Variants in PEBP4 observed in about 807,000 individuals in gnomAD.
PEBP4 encodes the protein phosphatidylethanolamine-binding protein 4.
Under a neutral mutation model 23.9 loss-of-function variants are expected in PEBP4, and 22 were observed. The observed-to-expected ratio is 0.92, with a 90% CI of 0.66 to 1.31. The LOEUF (loss-of-function observed/expected upper bound fraction) is 1.31. PEBP4 is among the 40% of genes most tolerant of loss of function. PEBP4 has a pLI of 0.00. For synonymous variants in PEBP4, 112 were observed against 99.3 expected, an observed-to-expected ratio of 1.13 and a Z score of -0.76; for missense variants, 324 against 281.7, an observed-to-expected ratio of 1.15 and a Z score of -1.07.
chr8:22,921,997 C>A (rs1373311536), intron 2 of PEBP4, among the ~76,000 whole-genome samples: 1 of 152,212 alleles, frequency 6.6e-6, no homozygotes, highest in East Asian at 1.9e-4. Context: ...CCCCTCTCCC[C>A]TTTTTATCAG....
chr8:22,817,514 G>C, intron 4 of PEBP4, 123 bp downstream of exon 4: 1 of 867,368 alleles, frequency 1.2e-6, no homozygotes, highest in South Asian at 1.5e-5. Context: ...CTGAGCACTG[G>C]GGGAGATGGG....
intron 4 of PEBP4, among the ~76,000 whole-genome samples, chr8:22,746,134 T>TC (rs1554480942): frequency 5.9e-5 from 9 of 151,458 alleles, no homozygotes; most frequent in Non-Finnish European, 8.8e-5. Context: ...CCTTTTTTTT[T>TC]CCCCTGCAAG....
chr8:22,723,633 G>T (rs768131853), intron 6 of PEBP4, among the ~76,000 whole-genome samples: 5 of 152,244 alleles, frequency 3.3e-5, no homozygotes, highest in Non-Finnish European at 7.3e-5. Flanking sequence ...GTCTGGGCAA[G>T]ATACATAATT....
intron 4 of PEBP4, among the ~76,000 whole-genome samples, chr8:22,795,204 C>G (rs1806225183): frequency 9.7e-6 from 1 of 102,884 alleles, no homozygotes; most frequent in Non-Finnish European, 1.8e-5. Context: ...GAGATGGAGT[C>G]TCGCTCTGTC....
intron 4 of PEBP4, among the ~76,000 whole-genome samples, chr8:22,756,703 TC>T (rs1446552217): frequency 6.6e-6 from 1 of 152,238 alleles, no homozygotes; most frequent in Non-Finnish European, 1.5e-5. Context: ...TTGAGGCCCT[TC>T]TTTTGCTCCT....
intron 3 of PEBP4, among the ~76,000 whole-genome samples, chr8:22,826,310 C>T (rs1163261885): frequency 6.6e-6 from 1 of 152,198 alleles, no homozygotes; most frequent in Non-Finnish European, 1.5e-5. Context: ...GCCGGCAAGG[C>T]TGCGGGGAAA....
intron 3 of PEBP4, among the ~76,000 whole-genome samples, chr8:22,852,008 A>C (rs1807561964): frequency 6.6e-6 from 1 of 151,980 alleles, no homozygotes; most frequent in Non-Finnish European, 1.5e-5. Context: ...ATCCCTGGGG[A>C]CTGCAGTTGG....
At chr8:22,773,308 T>C (rs1805752077) in intron 4 of PEBP4, among the ~76,000 whole-genome samples, 1 of 152,184 alleles carries the variant, frequency 6.6e-6, no homozygotes, top group South Asian at 2.1e-4. Context: ...TTACTCTGAT[T>C]ACAGCATATT....
chr8:22,803,019 A>G (rs1307230247), intron 4 of PEBP4, among the ~76,000 whole-genome samples: 2 of 152,160 alleles, frequency 1.3e-5, no homozygotes, highest in South Asian at 2.1e-4. Context: ...TCTTTCTGGA[A>G]TATCACTCAG....
rs188823558 is a variant in PEBP4 at position 22,743,748 on chromosome 8, G to C, written c.358-16528C>G. The stretch of plus-strand genomic sequence containing the variant: ...ACTTGTCACACATGGAGGCCAGAAA[G>C]AGCATTCAGCACCTGCCGGCAGCAC... On this transcript the variant is annotated intron_variant, in intron 4 of 6. Coordinates refer to ENST00000256404, the MANE Select transcript of PEBP4 (RefSeq NM_144962.3). Among the ~76,000 whole-genome samples the C allele has an allele frequency of 7.8e-3, 1,186 of 152,336 alleles. 13 individuals carry two copies. Among genetic ancestry groups the C allele is most frequent in the African/African-American group, 0.026 (1,062 of 41,574 alleles).
chr8:22,934,525 G>A lies in PEBP4; in HGVS notation c.145-6805C>T, dbSNP rs780268376. Reference sequence around the variant, plus strand: ...AAATGTAAAGAAAGGTAGAAATGGAGGAAATGAGGAACACAAAAAGCTGAA... The same window carrying A: ...AAATGTAAAGAAAGGTAGAAATGGAAGAAATGAGGAACACAAAAAGCTGAA... On this transcript the variant is annotated intron_variant, in intron 1 of 1. Coordinates refer to the PEBP4 transcript ENST00000522278. Among the ~76,000 whole-genome samples, 32 of 152,236 alleles carry A rather than the reference G, an allele frequency of 2.1e-4. 1 individual carries two copies. The highest frequency in any genetic ancestry group is 1.7e-3 in the South Asian group (8 of 4,820).
intron 4 of PEBP4, among the ~76,000 whole-genome samples, chr8:22,796,378 A>G (rs1167123728): frequency 6.6e-6 from 1 of 152,166 alleles, no homozygotes; most frequent in African/African-American, 2.4e-5. Flanking sequence ...AGCCCCATAC[A>G]GTGCCCAGCA....
At chr8:22,825,870 C>T (rs915184711) in intron 3 of PEBP4, among the ~76,000 whole-genome samples, 5 of 152,204 alleles carry the variant, frequency 3.3e-5, no homozygotes, top group Non-Finnish European at 4.4e-5. Context: ...AAAGGAAATA[C>T]TGTAGTTGGT....
At chr8:22,892,770 C>T (rs1808518970) in intron 3 of PEBP4, among the ~76,000 whole-genome samples, 1 of 152,126 alleles carries the variant, frequency 6.6e-6, no homozygotes, top group South Asian at 2.1e-4. Flanking sequence ...ACAATGGTTT[C>T]CAGATTTTGA....
At chr8:22,893,989 A>G (rs1808546281) in intron 3 of PEBP4, among the ~76,000 whole-genome samples, 2 of 152,218 alleles carry the variant, frequency 1.3e-5, no homozygotes, top group African/African-American at 2.4e-5. Flanking sequence ...GACACATGAG[A>G]AAACTACACC....
chr8:22,717,752 C>T (rs1054885572), intron 6 of PEBP4, among the ~76,000 whole-genome samples: 2 of 152,190 alleles, frequency 1.3e-5, no homozygotes, highest in South Asian at 2.1e-4. Flanking sequence ...CTCGCTGCCT[C>T]TCCTCTTAGG....
At chr8:22,746,337 G>T (rs1034468984) in intron 4 of PEBP4, among the ~76,000 whole-genome samples, 1 of 152,154 alleles carries the variant, frequency 6.6e-6, no homozygotes, top group African/African-American at 2.4e-5. Flanking sequence ...GGCACTTTGG[G>T]TCTGGAAAGC....
At chr8:22,744,712 G>A (rs1201189987) in intron 4 of PEBP4, 1 of 152,318 alleles carries the variant, frequency 6.6e-6, no homozygotes, top group Non-Finnish European at 1.5e-5. Context: ...TACATCCTTG[G>A]ATGGGGAGAG....
At chr8:22,921,023 G>T (rs1251464170) in intron 2 of PEBP4, among the ~76,000 whole-genome samples, 1 of 152,232 alleles carries the variant, frequency 6.6e-6, no homozygotes, top group Non-Finnish European at 1.5e-5. Context: ...TGGCTTCCTG[G>T]AAGGGAAGAA....
Sources: gnomAD v4.1 joint callset for allele counts (sites outside exome capture counted in the v4.1 genomes callset) on GRCh38, gnomAD v4.1.1 for gene constraint, MANE v1.5 for transcripts, NCBI Gene and HGNC (gene_info 2026-07-23, HGNC 2026-07-21) for gene names.